SNTG1: variants seen among roughly 807,000 people sequenced by gnomAD.
SNTG1 encodes the protein gamma-1-syntrophin.
Under a neutral mutation model 74.7 loss-of-function variants are expected in SNTG1, and 39 were observed. The ratio of observed to expected loss-of-function variants is 0.52; its 90% CI spans 0.40 to 0.68. The LOEUF (loss-of-function observed/expected upper bound fraction) is 0.68, where lower values mean the gene tolerates loss of function less well. Ranked by LOEUF, SNTG1 falls within the 30% of genes least tolerant of loss-of-function variation. SNTG1 has a pLI of 0.00. For missense variants in SNTG1, 685 were observed against 609.5 expected (o/e 1.12, Z -1.30); for synonymous variants, 254 against 217.1 (o/e 1.17, Z -1.49).
chr8:50,601,752 C>T (rs2094776800), intron 13 of SNTG1, among the ~76,000 whole-genome samples: 1 of 152,044 alleles, frequency 6.6e-6, no homozygotes, highest in South Asian at 2.1e-4. Context: ...GTATTGAGAT[C>T]TGTCTCTCTT....
intron 17 of SNTG1, among the ~76,000 whole-genome samples, chr8:50,722,918 A>G (rs936036010): frequency 6.6e-6 from 1 of 152,232 alleles, no homozygotes; most frequent in Non-Finnish European, 1.5e-5. Context: ...AGTTTTAATA[A>G]ATCAATAGGT....
chr8:50,184,256 C>A (rs1052379194), intron 2 of SNTG1, among the ~76,000 whole-genome samples: 1 of 150,544 alleles, frequency 6.6e-6, no homozygotes, highest in Non-Finnish European at 1.5e-5. Context: ...ACCTCCGCTG[C>A]CCAGATTCAA....
chr8:50,589,930 A>C (rs2094681004), intron 12 of SNTG1, among the ~76,000 whole-genome samples: 1 of 152,198 alleles, frequency 6.6e-6, no homozygotes, highest in Non-Finnish European at 1.5e-5. Flanking sequence ...TGCTCAGATC[A>C]CACATATGTT....
chr8:49,987,216 A>G (rs1453795985), intron 1 of SNTG1, among the ~76,000 whole-genome samples: 2 of 152,218 alleles, frequency 1.3e-5, no homozygotes, highest in Non-Finnish European at 2.9e-5. Context: ...AATATATATA[A>G]GAGTGTCAAA....
At chr8:49,980,970 T>A (rs1812625492) in intron 1 of SNTG1, among the ~76,000 whole-genome samples, 1 of 152,222 alleles carries the variant, frequency 6.6e-6, no homozygotes, top group Non-Finnish European at 1.5e-5. Context: ...TACATTAGTC[T>A]CTTCTCTGTA....
intron 1 of SNTG1, among the ~76,000 whole-genome samples, chr8:49,942,598 C>G (rs1487497095): frequency 2.0e-5 from 3 of 152,160 alleles, no homozygotes; most frequent in Non-Finnish European, 4.4e-5. Context: ...TCCTCAGCCT[C>G]CTCTTAGTTA....
At chr8:50,622,237 C>T (rs2094928058) in intron 13 of SNTG1, among the ~76,000 whole-genome samples, 1 of 152,120 alleles carries the variant, frequency 6.6e-6, no homozygotes, top group Non-Finnish European at 1.5e-5. Context: ...GGGTATCCTA[C>T]GTAGTTAAAA....
intron 1 of SNTG1, among the ~76,000 whole-genome samples, chr8:50,097,388 ATTAT>A (rs1399711378): frequency 1.3e-5 from 2 of 152,158 alleles, no homozygotes; most frequent in Non-Finnish European, 2.9e-5. Context: ...TTAAAATGAA[ATTAT>A]TTCTTTCTTG....
chr8:50,600,724 T>G (rs1336543881), intron 13 of SNTG1, among the ~76,000 whole-genome samples: 1 of 152,168 alleles, frequency 6.6e-6, no homozygotes, highest in Non-Finnish European at 1.5e-5. Context: ...ATTATTTATC[T>G]GTTTAAAAAA....
intron 1 of SNTG1, among the ~76,000 whole-genome samples, chr8:49,939,163 G>A (rs16914067): frequency 1.3e-5 from 2 of 151,834 alleles, no homozygotes; most frequent in South Asian, 2.1e-4. Context: ...TTCCACTAGC[G>A]TGTTAAAATT....
At chr8:50,667,100 ATAAAT>A (rs2095254292) in intron 15 of SNTG1, among the ~76,000 whole-genome samples, 1 of 152,008 alleles carries the variant, frequency 6.6e-6, no homozygotes, top group African/African-American at 2.4e-5. Flanking sequence ...TAATATACAC[ATAAAT>A]TAAGGTATAA....
chr8:50,780,447 A>G (rs1009538250), intron 18 of SNTG1, among the ~76,000 whole-genome samples: 7 of 152,112 alleles, frequency 4.6e-5, no homozygotes, highest in African/African-American at 1.2e-4. Context: ...TGTATGTGTC[A>G]AGGAATTTAT....
Position 50,606,965 on chromosome 8 carries a change from G to C in SNTG1, c.849+16048G>C, listed in dbSNP as rs73676308. Among the ~76,000 whole-genome samples, 816 of 151,508 alleles carry C rather than the reference G, an allele frequency of 5.4e-3. 6 individuals carry two copies. Among genetic ancestry groups the C allele is most frequent in the African/African-American group, 0.019 (766 of 41,380 alleles). ...TTTTTATCCTTTTTATTTATTGTTGGACTCAATTTTCTAAAATAAGAAAAT... is the reference window on the plus strand; with the variant it reads ...TTTTTATCCTTTTTATTTATTGTTGCACTCAATTTTCTAAAATAAGAAAAT... On this transcript the variant is annotated intron_variant, in intron 13 of 18. Transcript: ENST00000642720.
chr8:50,362,118 T>C (rs2091975946), intron 2 of SNTG1, among the ~76,000 whole-genome samples: 2 of 152,124 alleles, frequency 1.3e-5, no homozygotes, highest in East Asian at 3.9e-4. Context: ...ATTATATTTG[T>C]ATAGAAAATC....
intron 4 of SNTG1, among the ~76,000 whole-genome samples, chr8:50,431,215 G>A (rs2093231515): frequency 6.6e-6 from 1 of 152,168 alleles, no homozygotes; most frequent in African/African-American, 2.4e-5. Flanking sequence ...ATAATGGTAT[G>A]CAATTTCTAT....
intron 3 of SNTG1, among the ~76,000 whole-genome samples, chr8:50,395,511 T>TTTG (rs2092717017): frequency 1.3e-5 from 2 of 149,320 alleles, no homozygotes; most frequent in African/African-American, 2.5e-5. Context: ...TTTCTGTTTT[T>TTTG]TTTTTTTTTT....
At chr8:50,300,806 T>A (rs1484849512) in intron 2 of SNTG1, among the ~76,000 whole-genome samples, 1 of 152,168 alleles carries the variant, frequency 6.6e-6, no homozygotes, top group Admixed American at 6.5e-5. Flanking sequence ...ATGTATTTAA[T>A]TTGCCTGTAT....
chr8:50,042,105 T>C (rs538576142), intron 1 of SNTG1, among the ~76,000 whole-genome samples: 5 of 152,248 alleles, frequency 3.3e-5, no homozygotes, highest in Non-Finnish European at 7.3e-5. Flanking sequence ...TTTGTATTTC[T>C]AACCTTTTCT....
At chr8:50,464,175 T>G (rs932553943) in intron 8 of SNTG1, among the ~76,000 whole-genome samples, 5 of 152,164 alleles carry the variant, frequency 3.3e-5, no homozygotes, top group African/African-American at 1.2e-4. Context: ...AACTAAAACT[T>G]TCTCCGTATC....
Sources: allele counts gnomAD v4.1 joint callset (sites outside exome capture counted in the v4.1 genomes callset), GRCh38; gene constraint gnomAD v4.1.1; transcripts MANE v1.5; gene names NCBI Gene and HGNC (gene_info 2026-07-23, HGNC 2026-07-21).